The following ZNF385D variants were observed in gnomAD, a reference collection of about 807,000 sequenced individuals.
ZNF385D encodes the protein zinc finger protein 659.
ZNF385D carries 15 observed loss-of-function variants against 35.8 expected under a neutral mutation model. The observed-to-expected ratio is 0.42, with a 90% CI of 0.28 to 0.64. The LOEUF is 0.64. Among genes scored for constraint, ZNF385D ranks in the 30% least tolerant of loss-of-function variants. The pLI, the probability that ZNF385D is intolerant of heterozygous loss-of-function variation, is 0.23. For missense variants in ZNF385D, 474 were observed against 494.6 expected, an observed-to-expected ratio of 0.96 and a Z score of 0.39; for synonymous variants, 212 against 186.8, an observed-to-expected ratio of 1.13 and a Z score of -1.10.
chr3:21,443,726 A>G (rs965670422), intron 4 of ZNF385D, among the ~76,000 whole-genome samples: 4 of 152,240 alleles, frequency 2.6e-5, no homozygotes, highest in African/African-American at 9.6e-5. Context: ...AGTAGCCTGC[A>G]TGAAACTCTA....
intron 3 of ZNF385D, among the ~76,000 whole-genome samples, chr3:21,781,295 C>T (rs566820203): frequency 3.3e-5 from 5 of 151,954 alleles, no homozygotes; most frequent in African/African-American, 7.2e-5. Context: ...GAAGAGTAAG[C>T]GGTAGCAATC....
At chr3:21,607,685 G>A (rs930668233) in intron 2 of ZNF385D, among the ~76,000 whole-genome samples, 2 of 152,006 alleles carry the variant, frequency 1.3e-5, no homozygotes, top group African/African-American at 4.8e-5. Flanking sequence ...TTAGTTCTTG[G>A]ATGAAAGCAT....
intron 3 of ZNF385D, among the ~76,000 whole-genome samples, chr3:21,866,531 A>C (rs1317048601): frequency 2.6e-5 from 4 of 152,156 alleles, no homozygotes; most frequent in Non-Finnish European, 4.4e-5. Context: ...ACTGGTTTGC[A>C]TCATACTCAA....
At chr3:22,338,274 G>T (rs986167896) in intron 2 of ZNF385D, among the ~76,000 whole-genome samples, 3 of 152,122 alleles carry the variant, frequency 2.0e-5, no homozygotes, top group Admixed American at 1.3e-4. Context: ...CAAGTAATAT[G>T]TTGACAACTC....
intron 4 of ZNF385D, among the ~76,000 whole-genome samples, chr3:21,449,033 A>C (rs551222236): frequency 4.5e-4 from 69 of 152,168 alleles, no homozygotes; most frequent in African/African-American, 1.6e-3. Flanking sequence ...GCTTCATTTA[A>C]AAATTGTTTA....
At chr3:21,681,298 TAAAAAAAAAAAA>T (rs55872870) in intron 1 of ZNF385D, among the ~76,000 whole-genome samples, 1 of 64,486 alleles carries the variant, frequency 1.6e-5, no homozygotes, top group Non-Finnish European at 2.8e-5. Flanking sequence ...ATTCCATCAG[TAAAAAAAAAAAA>T]AAAAAAAAAA....
rs567647880 is a variant in ZNF385D, at chr3:21,982,114, T to C, written c.325+186703A>G. Among the ~76,000 whole-genome samples the C allele has an allele frequency of 9.6e-5, 14 of 145,430 alleles. No individual in the cohort carries two copies. In the East Asian group the frequency reaches 2.6e-3, roughly 27 times the overall value. On this transcript the variant is annotated intron_variant, in intron 3 of 5. Transcript: ENST00000494108. ...TTTTTTTTTAATTCTGTGAAGAACA[T>C]CACTGGTAGTTTGATAGGAGTAGCC...
intron 3 of ZNF385D, among the ~76,000 whole-genome samples, chr3:22,021,057 A>T (rs1205584800): frequency 6.6e-6 from 1 of 151,964 alleles, no homozygotes; most frequent in Non-Finnish European, 1.5e-5. Context: ...AGTGGGAGCT[A>T]AAAATGTATA....
chr3:22,228,480 T>A (rs929863534), intron 2 of ZNF385D, among the ~76,000 whole-genome samples: 18 of 152,144 alleles, frequency 1.2e-4, no homozygotes, highest in African/African-American at 4.3e-4. Flanking sequence ...TGTGGATGGA[T>A]AAGTGTCCAC....
chr3:21,483,792 A>T (rs920772149), intron 4 of ZNF385D, among the ~76,000 whole-genome samples: 1 of 152,144 alleles, frequency 6.6e-6, no homozygotes, highest in Admixed American at 6.5e-5. Flanking sequence ...TGTCAAGTTT[A>T]AAGTACTTTT....
At chr3:21,724,093 C>T (rs1274672826) in intron 1 of ZNF385D, among the ~76,000 whole-genome samples, 1 of 151,970 alleles carries the variant, frequency 6.6e-6, no homozygotes, top group African/African-American at 2.4e-5. Context: ...TACAGACAAG[C>T]AAAAGCTGAG....
intron 3 of ZNF385D, among the ~76,000 whole-genome samples, chr3:22,156,719 C>T (rs1705610972): frequency 6.6e-6 from 1 of 151,992 alleles, no homozygotes; most frequent in Non-Finnish European, 1.5e-5. Flanking sequence ...ACCCTTTTTC[C>T]CTTACTGACT....
At chr3:21,485,868 C>G (rs1324805006) in intron 4 of ZNF385D, among the ~76,000 whole-genome samples, 1 of 151,764 alleles carries the variant, frequency 6.6e-6, no homozygotes, top group African/African-American at 2.4e-5. Flanking sequence ...ATCTCATCTT[C>G]TTTTCCCAAA....
intron 3 of ZNF385D, among the ~76,000 whole-genome samples, chr3:22,130,560 T>C (rs1312193658): frequency 6.6e-6 from 1 of 152,170 alleles, no homozygotes; most frequent in African/African-American, 2.4e-5. Flanking sequence ...TGTTGCTTTC[T>C]GCTGTGACAG....
chr3:21,782,387 T>C (rs2071527191), intron 3 of ZNF385D, among the ~76,000 whole-genome samples: 1 of 152,122 alleles, frequency 6.6e-6, no homozygotes, highest in East Asian at 1.9e-4. Context: ...ATTTCTTTTA[T>C]AAATTAGGAA....
intron 2 of ZNF385D, among the ~76,000 whole-genome samples, chr3:22,208,524 A>G (rs929073393): frequency 6.6e-6 from 1 of 151,726 alleles, no homozygotes; most frequent in Non-Finnish European, 1.5e-5. Context: ...ATGAATGTCT[A>G]CAGTCAATAA....
In ZNF385D at chr3:22,182,460, T is replaced by TTATGACA. The variant is rs1224449111; in HGVS notation, c.107-13432_107-13426dup. ...ATCCATGACAGACATAACTAATCAATTATGACAATCTTTCCTTCAGAGGCT... is the reference window on the plus strand; with the variant it reads ...ATCCATGACAGACATAACTAATCAATTATGACATATGACAATCTTTCCTTCAGAGGCT... On this transcript the variant is annotated intron_variant, in intron 2 of 5. Transcript: ENST00000494108. Among the ~76,000 whole-genome samples the TTATGACA allele has an allele frequency of 4.6e-5, 7 of 152,230 alleles. No homozygotes were observed. In the East Asian group the frequency reaches 1.4e-3, roughly 29 times the overall value.
chr3:21,506,577 T>A (rs1015727802), intron 4 of ZNF385D, among the ~76,000 whole-genome samples: 1 of 152,174 alleles, frequency 6.6e-6, no homozygotes, highest in Non-Finnish European at 1.5e-5. Flanking sequence ...CTAGTTACTT[T>A]GAGTATAATT....
chr3:21,482,286 T>C (rs573801173), intron 4 of ZNF385D, among the ~76,000 whole-genome samples: 332 of 146,648 alleles, frequency 2.3e-3, no homozygotes, highest in African/African-American at 7.7e-3. Context: ...TCAAATCTAA[T>C]ACACTGTCTG....
Sources: allele counts gnomAD v4.1 joint callset (sites outside exome capture counted in the v4.1 genomes callset), GRCh38; gene constraint gnomAD v4.1.1; transcripts MANE v1.5; gene names NCBI Gene and HGNC (gene_info 2026-07-23, HGNC 2026-07-21).